Variants in MYH2 observed in about 807,000 individuals in gnomAD.
MYH2 encodes the protein myosin-2.
In MYH2, 139 loss-of-function variants were observed where a neutral mutation model predicts 228.1. The ratio of observed to expected loss-of-function variants is 0.61; its 90% CI spans 0.53 to 0.70. The LOEUF (loss-of-function observed/expected upper bound fraction) is 0.70, where lower values mean the gene tolerates loss of function less well. Among genes scored for constraint, MYH2 ranks in the 30% least tolerant of loss-of-function variants. The pLI is 0.00. For synonymous variants in MYH2, 796 were observed against 871.1 expected (o/e 0.91, Z 1.52); for missense variants, 1,809 against 2,357.5 (o/e 0.77, Z 4.82).
intron 3 of MYH2, 41 bp from the exon 4 acceptor site, chr17:10,547,659 A>G: frequency 6.2e-7 from 1 of 1,614,132 alleles, no homozygotes; most frequent in Admixed American, 1.7e-5. Flanking sequence ...TAATTGAGTG[A>G]CCAAACAACA....
Position 10,524,455 on chromosome 17 carries a change from C to G in MYH2, c.5175+11G>C, listed in dbSNP as rs1286816874. 1 of 1,614,112 alleles carries G rather than the reference C, an allele frequency of 6.2e-7. No homozygotes were observed. Among genetic ancestry groups the G allele is most frequent in the Non-Finnish European group, 8.5e-7 (1 of 1,179,948 alleles). ...AATTTACTAAGGAGAGTTCTTTGTG[C>G]TGAATCCCACCTGGGTGTGCAGTAG... On this transcript the variant is annotated intron_variant, in intron 35 of 39. Coordinates refer to ENST00000245503, the MANE Select transcript of MYH2 (RefSeq NM_017534.6). The surrounding 1 kb of genome is among the most constrained non-coding windows in gnomAD (Gnocchi z 4.7).
At chr17:10,527,910 C>A (rs764001622) in intron 27 of MYH2, 36 bp from the exon 28 acceptor site, 1 of 1,605,426 alleles carries the variant, frequency 6.2e-7, no homozygotes, top group South Asian at 1.1e-5. Context: ...AAACAGAGAC[C>A]TTTTAAGCGA....
rs758217131 is a variant in MYH2, at chr17:10,539,439, C to G, written c.1266+5G>C. The G allele has an allele frequency of 2.5e-5, 40 of 1,613,960 alleles. 2 individuals carry two copies. The South Asian group carries it at 4.3e-4, about 17-fold the overall frequency. ...CCTGGCAGTTAATTTGAATTATGCACCTACCTGTTCTACAGTCTGGCCTTT... is the reference window on the plus strand; with the variant it reads ...CCTGGCAGTTAATTTGAATTATGCAGCTACCTGTTCTACAGTCTGGCCTTT... On this transcript the variant is annotated splice_donor_5th_base_variant and intron_variant, in intron 13 of 39. Transcript: ENST00000245503.
rs2073315307 is a variant in MYH2 at position 10,523,839 on chromosome 17, A to G, written c.5221T>C (p.Ser1741Pro). The G allele has an allele frequency of 1.9e-6, 3 of 1,614,014 alleles. No homozygotes were observed. Among genetic ancestry groups the G allele is most frequent in the Non-Finnish European group, 1.7e-6 (2 of 1,179,936 alleles). ...NTKKKLETDI[S>P]QMQGEMEDIL... is the part of the protein sequence containing the mutation. Reference sequence around the variant, plus strand: ...TCCTCCATCTCTCCTTGCATTTGGGAAATATCTGTCTCCAGCTTCTTCTTG... The same window carrying G: ...TCCTCCATCTCTCCTTGCATTTGGGGAATATCTGTCTCCAGCTTCTTCTTG... The change falls in exon 36 of 40, where the codon TCC becomes CCC. Residue 1741 changes from serine (S) to proline (P), a missense_variant. Ser to Pro is a moderately conservative substitution (Grantham distance 74). Around this residue, in one of 9 missense-constraint regions of MYH2, gnomAD observed 278 missense variants for 308.5 expected, o/e 0.90. Coordinates refer to ENST00000245503, the MANE Select transcript of MYH2 (RefSeq NM_017534.6).
chr17:10,542,904 A>C lies in MYH2; in HGVS notation c.875T>G (p.Ile292Ser). The change falls in exon 10 of 40, where the codon ATT becomes AGT. Residue 292 changes from isoleucine (I) to serine (S), a missense_variant. By Grantham distance (142) the Ile-to-Ser change is moderately radical. Around this residue, in one of 9 missense-constraint regions of MYH2, gnomAD observed 373 missense variants for 620.4 expected, o/e 0.60. Transcript: ENST00000245503. ...AAGTTCTGGTTTCTTATTCGATGTAATCTGGTAAAAAATATGATAACTTCT... is the reference window on the plus strand; with the variant it reads ...AAGTTCTGGTTTCTTATTCGATGTACTCTGGTAAAAAATATGATAACTTCT... ...AERSYHIFYQ[I>S]TSNKKPELIE... 1 of 1,610,776 alleles carries C rather than the reference A, an allele frequency of 6.2e-7. No individual in the cohort carries two copies. The highest frequency in any genetic ancestry group is 8.5e-7 in the Non-Finnish European group (1 of 1,177,268).
At chr17:10,545,590 G>C in intron 4 of MYH2, 88 bp from the exon 5 acceptor site, 1 of 1,535,398 alleles carries the variant, frequency 6.5e-7, no homozygotes, top group Non-Finnish European at 8.9e-7. Context: ...TTTGAGACAG[G>C]GTCTTGCTCT....
rs1001791781 is a variant in MYH2 at position 10,523,390 on chromosome 17, A to T, written c.5495T>A (p.Val1832Asp). Residue 1832 changes from valine to aspartate, a missense_variant, in exon 38 of 40, where the codon GTT becomes GAT. By Grantham distance (152) the Val-to-Asp change is radical. Around this residue, in one of 9 missense-constraint regions of MYH2, gnomAD observed 278 missense variants for 308.5 expected, o/e 0.90. Transcript: ENST00000245503. ...AGCATTACGCTTTTGCTCACTCTCA[A>T]CCTCTCCTTCCAGCTCCCGTACCTG... ...EARVRELEGEVESEQKRNAEA... is the reference protein window; with the variant it reads ...EARVRELEGEDESEQKRNAEA... The T allele has an allele frequency of 5.6e-6, 9 of 1,613,928 alleles. No individual in the cohort carries two copies. The highest frequency in any genetic ancestry group is 7.6e-6 in the Non-Finnish European group (9 of 1,179,968).
At chr17:10,532,546 A>G (rs1159776578) in intron 21 of MYH2, among the ~76,000 whole-genome samples, 2 of 152,352 alleles carry the variant, frequency 1.3e-5, no homozygotes, top group South Asian at 2.1e-4. Context: ...ATTATTTTTA[A>G]TAAAATGGAA....
Position 10,533,625 on chromosome 17 carries a change from C to T in MYH2, c.2188G>A (p.Val730Ile), listed in dbSNP as rs1417891514. ...TCAGGGATTGCACTTGCATTTAATA[C>T]CTTGTATCTGTTGAAGTACATATAG... ...LYADFKQRYKVLNASAIPEGQ... is the reference protein window; with the variant it reads ...LYADFKQRYKILNASAIPEGQ... Residue 730 changes from valine to isoleucine, a missense_variant, in exon 20 of 40, where the codon GTA becomes ATA. Coordinates refer to ENST00000245503, the MANE Select transcript of MYH2 (RefSeq NM_017534.6). 6.2e-7 allele frequency: 1 copy of T among 1,614,116 alleles called. No individual in the cohort carries two copies. The highest frequency in any genetic ancestry group is 2.2e-5 in the East Asian group (1 of 44,888).
rs371489019 is a variant in MYH2 at position 10,537,318 on chromosome 17, C to T, written c.1812G>A (p.Leu604=). The change falls in exon 16 of 40, where the codon CTG becomes CTA. Residue 604 remains leucine (L), a synonymous_variant. Transcript: ENST00000245503. The surrounding 1 kb of genome is among the most constrained non-coding windows in gnomAD (Gnocchi z 4.0). ...GGTACAGTCCAACCACGGTCTCATTCAGGGGGTCCTTGTTCTTCTCCAGCC... is the reference window on the plus strand; with the variant it reads ...GGTACAGTCCAACCACGGTCTCATTTAGGGGGTCCTTGTTCTTCTCCAGCC... The part of the protein sequence containing the change: ...TGWLEKNKDP[L]NETVVGLYQK... The T allele has an allele frequency of 2.2e-5, 36 of 1,614,224 alleles. No individual in the cohort carries two copies. In the African/African-American group the frequency reaches 4.1e-4, roughly 19 times the overall value.
rs767416760 is a variant in MYH2, at chr17:10,529,395, G to A, written c.3204C>T (p.Ala1068=). The change falls in exon 25 of 40, where the codon GCC becomes GCT. Residue 1068 remains alanine (A), a synonymous_variant. Coordinates refer to ENST00000245503, the MANE Select transcript of MYH2 (RefSeq NM_017534.6). The part of the protein sequence containing the change: ...KRKLEGDLKL[A]QESIMDIENE... ...TTTCAATGTCCATTATGGATTCTTG[G>A]GCCAACTTCAAGTCACCCTCAAGTT... 1.2e-6 allele frequency: 2 copies of A among 1,613,992 alleles called. No individual in the cohort carries two copies. Among genetic ancestry groups the A allele is most frequent in the Non-Finnish European group, 1.7e-6 (2 of 1,180,014 alleles).
At chr17:10,523,475 G>A in intron 37 of MYH2, 21 bp downstream of exon 37, 1 of 1,614,194 alleles carries the variant, frequency 6.2e-7, no homozygotes, top group Non-Finnish European at 8.5e-7. Context: ...GATGGAAATA[G>A]ACAGATATTG....
rs371894422 is a variant in MYH2, at chr17:10,533,647, A to G, written c.2181-15T>C. On this transcript the variant is annotated splice_polypyrimidine_tract_variant and intron_variant, in intron 19 of 39. Coordinates refer to ENST00000245503, the MANE Select transcript of MYH2 (RefSeq NM_017534.6). ...ATACCTTGTATCTGTTGAAGTACAT[A>G]TAGCTTTTAACAACTAGTTTACTGA... The G allele has an allele frequency of 2.7e-5, 43 of 1,613,660 alleles. No individual in the cohort carries two copies. Among genetic ancestry groups the G allele is most frequent in the Admixed American group, 5.0e-5 (3 of 60,004 alleles).
intron 5 of MYH2, among the ~76,000 whole-genome samples, chr17:10,545,122 G>A (rs781491967): frequency 6.6e-6 from 1 of 152,052 alleles, no homozygotes; most frequent in Non-Finnish European, 1.5e-5. Context: ...ACCATGGCCA[G>A]CCTCTGTTGA....
At chr17:10,526,509 G>T (rs1047470656) in intron 30 of MYH2, 90 bp downstream of exon 30, 4 of 1,577,400 alleles carry the variant, frequency 2.5e-6, no homozygotes, top group African/African-American at 1.3e-5. Context: ...ATGAGCATTT[G>T]TGGACTAATT....
chr17:10,542,304 T>C (rs1289352313), intron 10 of MYH2, among the ~76,000 whole-genome samples: 1 of 125,046 alleles, frequency 8.0e-6, no homozygotes, highest in Non-Finnish European at 1.8e-5. Flanking sequence ...AACAAAACTA[T>C]TGTAATCCAA....
chr17:10,529,068 C>T lies in MYH2; in HGVS notation c.3366G>A (p.Glu1122=), dbSNP rs751995553. 1.9e-6 allele frequency: 3 copies of T among 1,614,236 alleles called. No homozygotes were observed. The Admixed American group carries it at 5.0e-5, about 27-fold the overall frequency. The change falls in exon 27 of 40, where the codon GAG becomes GAA. Residue 1122 remains glutamate, a synonymous_variant. Transcript: ENST00000245503. Reference sequence around the variant, plus strand: ...CTGCCTCGATTTCCTCCTCCAGCTCCTCAATGCGGGCCTGGGAATGGTGGA... The same window carrying T: ...CTGCCTCGATTTCCTCCTCCAGCTCTTCAATGCGGGCCTGGGAATGGTGGA... ...KKIKELQARI[E]ELEEEIEAER... is the part of the protein sequence containing the mutation.
chr17:10,546,771 T>C (rs2142323762), intron 4 of MYH2, among the ~76,000 whole-genome samples: 1 of 43,832 alleles, frequency 2.3e-5, no homozygotes, highest in South Asian at 1.2e-3. Context: ...ATGAGTGAAA[T>C]TTGTTTTTAA....
chr17:10,529,206 G>C lies in MYH2; in HGVS notation c.3310C>G (p.Gln1104Glu). 1 of 1,614,228 alleles carries C rather than the reference G, an allele frequency of 6.2e-7. No homozygotes were observed. The highest frequency in any genetic ancestry group is 8.5e-7 in the Non-Finnish European group (1 of 1,180,046). Reference protein sequence around the residue: ...SNLQSKIEDEQALGIQLQKKI... With the variant: ...SNLQSKIEDEEALGIQLQKKI... ...TTCTGCAATTGAATGCCAAGTGCCTGTTCATCTTCAATCTTGCTTTGCAGA... is the reference window on the plus strand; with the variant it reads ...TTCTGCAATTGAATGCCAAGTGCCTCTTCATCTTCAATCTTGCTTTGCAGA... Residue 1104 changes from glutamine to glutamate, a missense_variant, in exon 26 of 40, where the codon CAG (glutamine) becomes GAG (glutamate). Around this residue, in one of 9 missense-constraint regions of MYH2, gnomAD observed 636 missense variants for 729.9 expected, o/e 0.87. Transcript: ENST00000245503.
Sources: allele counts gnomAD v4.1 joint callset (sites outside exome capture counted in the v4.1 genomes callset), GRCh38; gene constraint gnomAD v4.1.1; regional missense constraint gnomAD v4.1.1; non-coding constraint Gnocchi (gnomAD v3.1); transcripts MANE v1.5; gene names NCBI Gene and HGNC (gene_info 2026-07-23, HGNC 2026-07-21).